CFAP95: variants seen among roughly 807,000 people sequenced by gnomAD.
CFAP95 encodes the protein cilia- and flagella-associated protein 95.
chr9:69,840,024 C>T, the CFAP95 span, among the ~76,000 whole-genome samples: 1 of 151,008 alleles, frequency 6.6e-6, no homozygotes, highest in East Asian at 2.0e-4. Flanking sequence ...TTGTAGTGAG[C>T]TGACGTCATA....
At chr9:69,887,137 T>G in the CFAP95 span, among the ~76,000 whole-genome samples, 1 of 152,250 alleles carries the variant, frequency 6.6e-6, no homozygotes, top group African/African-American at 2.4e-5. Context: ...GACACTTTCT[T>G]CCTCATCTTG....
At chr9:69,826,411 A>G in the CFAP95 span, among the ~76,000 whole-genome samples, 4 of 152,190 alleles carry the variant, frequency 2.6e-5, no homozygotes, top group East Asian at 7.7e-4. Context: ...CTGGAGACCA[A>G]GCTTGTGTTA....
the CFAP95 span, among the ~76,000 whole-genome samples, chr9:69,854,932 C>T: frequency 6.6e-6 from 1 of 152,190 alleles, no homozygotes; most frequent in African/African-American, 2.4e-5. Context: ...TTCTGAGTTA[C>T]AGTAACTGTT....
At chr9:69,841,916 G>A in the CFAP95 span, among the ~76,000 whole-genome samples, 85 of 152,282 alleles carry the variant, frequency 5.6e-4, no homozygotes, top group Non-Finnish European at 3.7e-4. Flanking sequence ...CATGACACAT[G>A]GGAATTATGG....
chr9:69,894,607 A>G, the CFAP95 span, among the ~76,000 whole-genome samples: 1,776 of 152,342 alleles, frequency 0.012, 32 homozygotes, highest in African/African-American at 0.04. Context: ...ATACTGAGGA[A>G]TCTGTGTCCC....
the CFAP95 span, among the ~76,000 whole-genome samples, chr9:69,876,726 C>T: frequency 6.6e-6 from 1 of 152,064 alleles, no homozygotes; most frequent in Admixed American, 6.5e-5. Context: ...CCTCCGCCTC[C>T]TGGGTTCAAG....
the CFAP95 span, among the ~76,000 whole-genome samples, chr9:69,868,907 A>G: frequency 2.6e-5 from 4 of 152,002 alleles, no homozygotes; most frequent in African/African-American, 7.3e-5. Context: ...GGTGCTCAAC[A>G]TCACTAATTA....
chr9:69,898,400 T>C, the CFAP95 span, among the ~76,000 whole-genome samples: 1 of 152,194 alleles, frequency 6.6e-6, no homozygotes, highest in African/African-American at 2.4e-5. Flanking sequence ...AATTCATCAA[T>C]TGCCATGGCT....
At chr9:69,861,946 A>C in the CFAP95 span, among the ~76,000 whole-genome samples, 1 of 152,156 alleles carries the variant, frequency 6.6e-6, no homozygotes, top group Non-Finnish European at 1.5e-5. Context: ...TAACTTGGTT[A>C]GGTCCCTCAC....
chr9:69,878,088 G>A, the CFAP95 span, among the ~76,000 whole-genome samples: 2 of 152,196 alleles, frequency 1.3e-5, no homozygotes, highest in Non-Finnish European at 2.9e-5. Context: ...ACAGTGAAGT[G>A]AGGCTTATTT....
chr9:69,845,255 G>T, the CFAP95 span, among the ~76,000 whole-genome samples: 1 of 152,194 alleles, frequency 6.6e-6, no homozygotes, highest in Non-Finnish European at 1.5e-5. Flanking sequence ...CTACCTAGGT[G>T]TCTGTCCAGT....
the CFAP95 span, among the ~76,000 whole-genome samples, chr9:69,845,010 C>T: frequency 1.3e-5 from 2 of 152,020 alleles, no homozygotes; most frequent in Non-Finnish European, 2.9e-5. Flanking sequence ...GGGAAAGAGG[C>T]TCTTAAAGAC....
At chr9:69,906,223 T>A in the CFAP95 span, 4 of 1,137,472 alleles carry the variant, frequency 3.5e-6, no homozygotes, top group Admixed American at 2.5e-5. Context: ...GCAATGGAAG[T>A]GTTACTATAG....
At chr9:69,846,370 G>A in the CFAP95 span, among the ~76,000 whole-genome samples, 1 of 152,064 alleles carries the variant, frequency 6.6e-6, no homozygotes, top group African/African-American at 2.4e-5. Context: ...ATGTCTTTTT[G>A]TTGATGGCCA....
the CFAP95 span, among the ~76,000 whole-genome samples, chr9:69,875,160 C>T: frequency 6.6e-6 from 1 of 152,048 alleles, no homozygotes; most frequent in Non-Finnish European, 1.5e-5. Flanking sequence ...ATTTGGGGAG[C>T]ACATAATGTA....
chr9:69,837,921 A>C, the CFAP95 span, among the ~76,000 whole-genome samples: 3 of 152,208 alleles, frequency 2.0e-5, no homozygotes, highest in South Asian at 6.2e-4. Context: ...AGGTGTAAGG[A>C]AGGGATCCAG....
the CFAP95 span, among the ~76,000 whole-genome samples, chr9:69,825,835 T>C: frequency 6.6e-6 from 1 of 152,204 alleles, no homozygotes; most frequent in Admixed American, 6.5e-5. Flanking sequence ...GTGATAATAA[T>C]TTAAAGCAAA....
At chr9:69,843,526 TCC>T in the CFAP95 span, among the ~76,000 whole-genome samples, 11 of 16,256 alleles carry the variant, frequency 6.8e-4, 1 homozygote, top group African/African-American at 2.5e-3. Context: ...CTCCTCCTCC[TCC>T]TCCTCCTCCT....
At chr9:69,883,435 G>C in the CFAP95 span, among the ~76,000 whole-genome samples, 2 of 152,178 alleles carry the variant, frequency 1.3e-5, no homozygotes, top group Non-Finnish European at 2.9e-5. Flanking sequence ...TCTGGTTGGA[G>C]ATGTCATTTG....
Sources: allele counts gnomAD v4.1 joint callset (sites outside exome capture counted in the v4.1 genomes callset), GRCh38; gene constraint gnomAD v4.1.1; transcripts MANE v1.5; gene names NCBI Gene and HGNC (gene_info 2026-07-23, HGNC 2026-07-21).